MMS19: variants seen among roughly 807,000 people sequenced by gnomAD.
MMS19 encodes MMS19 nucleotide excision repair protein homolog.
MMS19 carries 77 observed loss-of-function variants against 129.8 expected under a neutral mutation model. The observed-to-expected ratio is 0.59, with a 90% CI of 0.49 to 0.72. The LOEUF (loss-of-function observed/expected upper bound fraction) is 0.72, where lower values mean the gene tolerates loss of function less well. Ranked by LOEUF, MMS19 falls within the 30% of genes least tolerant of loss-of-function variation. The pLI is 0.00. For synonymous variants in MMS19, 491 were observed against 502.8 expected, an observed-to-expected ratio of 0.98 and a Z score of 0.31; for missense variants, 1,168 against 1,266.3, an observed-to-expected ratio of 0.92 and a Z score of 1.18.
intron 21 of MMS19, 34 bp downstream of exon 21, chr10:97,461,983 C>G: frequency 6.4e-7 from 1 of 1,562,168 alleles, no homozygotes; most frequent in Non-Finnish European, 8.7e-7. Context: ...TAAAAAAAAA[C>G]CAGCTTGAAG....
At chr10:97,465,728 T>C in intron 18 of MMS19, 77 bp downstream of exon 18, 1 of 1,390,618 alleles carries the variant, frequency 7.2e-7, no homozygotes, top group Non-Finnish European at 9.8e-7. Flanking sequence ...TATGTATAGC[T>C]ACAGCTAGAA....
At chr10:97,490,986 C>T (rs2038771343) in intron 1 of MMS19, among the ~76,000 whole-genome samples, 1 of 152,172 alleles carries the variant, frequency 6.6e-6, no homozygotes, top group African/African-American at 2.4e-5. Flanking sequence ...TACCCAATTC[C>T]TTAATGGCAA....
intron 1 of MMS19, among the ~76,000 whole-genome samples, chr10:97,484,366 T>C (rs1343375414): frequency 6.6e-6 from 1 of 152,038 alleles, no homozygotes; most frequent in Non-Finnish European, 1.5e-5. Context: ...AATATATCAT[T>C]TGTGAATGAC....
intron 1 of MMS19, among the ~76,000 whole-genome samples, chr10:97,487,237 C>T (rs2038060400): frequency 6.6e-6 from 1 of 151,550 alleles, no homozygotes; most frequent in South Asian, 2.1e-4. Flanking sequence ...AATGATTGTC[C>T]TGGAACCAAT....
intron 17 of MMS19, 25 bp from the exon 18 acceptor site, chr10:97,465,979 G>T: frequency 6.2e-7 from 1 of 1,613,420 alleles, no homozygotes; most frequent in East Asian, 2.2e-5. Context: ...TGAGACAAAG[G>T]TTTACTGTGT....
intron 8 of MMS19, among the ~76,000 whole-genome samples, chr10:97,472,013 A>T (rs951728925): frequency 2.6e-5 from 4 of 152,170 alleles, no homozygotes; most frequent in Admixed American, 6.5e-5. Flanking sequence ...ATTCAAGAAA[A>T]ATTTACAGGA....
intron 1 of MMS19, among the ~76,000 whole-genome samples, chr10:97,487,613 C>G (rs1158525955): frequency 6.6e-6 from 1 of 152,042 alleles, no homozygotes; most frequent in Non-Finnish European, 1.5e-5. Flanking sequence ...GCCACCGCGC[C>G]TGGCCTAAAT....
In MMS19 at chr10:97,466,133, C is replaced by T; in HGVS notation, c.1532G>A (p.Gly511Glu). 2.5e-6 allele frequency: 4 copies of T among 1,580,428 alleles called. No individual in the cohort carries two copies. Among genetic ancestry groups the T allele is most frequent in the Non-Finnish European group, 3.4e-6 (4 of 1,163,204 alleles). The change falls in exon 17 of 31, where the codon GGA becomes GAA. Residue 511 changes from glycine (G) to glutamate (E), a missense_variant. Physicochemically the swap from Gly to Glu is moderately conservative, Grantham distance 98. Coordinates refer to ENST00000438925, the MANE Select transcript of MMS19 (RefSeq NM_022362.5). The stretch of plus-strand genomic sequence containing the variant: ...CACAGGGTAGAGAGCAGCCAGGGTT[C>T]CTGATGCTTCCAGTGCTGCCACCCT... Reference protein sequence around the residue: ...SCRVAALEASGTLAALYPVAF... With the variant: ...SCRVAALEASETLAALYPVAF...
At chr10:97,462,857 G>A (rs1425092484) in intron 19 of MMS19, 175 bp from the exon 20 acceptor site, 1 of 624,186 alleles carries the variant, frequency 1.6e-6, no homozygotes, top group Non-Finnish European at 2.9e-6. Flanking sequence ...AGAAACAGGA[G>A]TGGTCTGACC....
At chr10:97,483,435 A>C (rs2037256331) in intron 2 of MMS19, among the ~76,000 whole-genome samples, 1 of 152,156 alleles carries the variant, frequency 6.6e-6, no homozygotes, top group Non-Finnish European at 1.5e-5. Context: ...TGTGGGAGAA[A>C]TGTGTAACAG....
intron 8 of MMS19, among the ~76,000 whole-genome samples, chr10:97,472,727 C>T (rs1379263186): frequency 6.6e-6 from 1 of 151,900 alleles, no homozygotes; most frequent in African/African-American, 2.4e-5. Flanking sequence ...CTCCCACCTC[C>T]ACCTCCCGAG....
rs370667190 is a variant in MMS19 at position 97,459,342 on chromosome 10, G to A, written c.2904+20C>T. The A allele has an allele frequency of 5.6e-6, 9 of 1,610,106 alleles. No individual in the cohort carries two copies. Among genetic ancestry groups the A allele is most frequent in the East Asian group, 2.2e-5 (1 of 44,750 alleles). ...CAGGGAGAGATGCTGGTGCCTAAGA[G>A]TTGCTGGGGCTCAACGCACCATGGA... On this transcript the variant is annotated intron_variant, in intron 28 of 30. Transcript: ENST00000438925.
At chr10:97,498,630 C>T (rs1482299734), upstream of MMS19, 3 of 515,842 alleles carry the variant, frequency 5.8e-6, no homozygotes, top group South Asian at 2.4e-5. Flanking sequence ...AATTCCCAGC[C>T]CGGCTCCCCG....
Position 97,461,590 on chromosome 10 carries a change from C to A in MMS19, c.2217G>T (p.Arg739=). 6.2e-7 allele frequency: 1 copy of A among 1,600,656 alleles called. No homozygotes were observed. Among genetic ancestry groups the A allele is most frequent in the Non-Finnish European group, 8.5e-7 (1 of 1,173,614 alleles). The change falls in exon 23 of 31, where the codon CGG becomes CGT. Residue 739 remains arginine, a synonymous_variant. Coordinates refer to ENST00000438925, the MANE Select transcript of MMS19 (RefSeq NM_022362.5). ...VEIPQLNQLM[R]ELLELSCCHS... Reference sequence around the variant, plus strand: ...GGCAGCAGCTCAGTTCCAAAAGCTCCCGCATGAGTTGGTTCAGCTGAGGGA... The same window carrying A: ...GGCAGCAGCTCAGTTCCAAAAGCTCACGCATGAGTTGGTTCAGCTGAGGGA...
chr10:97,466,556 C>T lies in MMS19; in HGVS notation c.1453G>A (p.Ala485Thr). The change falls in exon 16 of 31, where the codon GCA (alanine) becomes ACA (threonine). Residue 485 changes from alanine to threonine, a missense_variant. By Grantham distance (58) the Ala-to-Thr change is moderately conservative. Coordinates refer to ENST00000438925, the MANE Select transcript of MMS19 (RefSeq NM_022362.5). ...CTCAGTCTGTACAGGTGACCCACTG[C>T]CAGCTCCAAGTCCTCATAAGATAGG... ...DLLSYEDLEL[A>T]VGHLYRLSFL... The T allele has an allele frequency of 6.2e-7, 1 of 1,613,796 alleles. No homozygotes were observed. The highest frequency in any genetic ancestry group is 8.5e-7 in the Non-Finnish European group (1 of 1,179,714).
intron 11 of MMS19, 139 bp from the exon 12 acceptor site, chr10:97,469,243 T>G (rs2034182481): frequency 9.4e-7 from 1 of 1,062,604 alleles, no homozygotes; most frequent in Non-Finnish European, 1.3e-6. Flanking sequence ...CCCAACTGAG[T>G]GTCTTCTCAA....
At chr10:97,485,349 G>A (rs980392267) in intron 1 of MMS19, among the ~76,000 whole-genome samples, 7 of 151,648 alleles carry the variant, frequency 4.6e-5, no homozygotes, top group Admixed American at 1.3e-4. Flanking sequence ...TCTTGCTCTC[G>A]TTACCCAGGC....
At chr10:97,486,327 G>A (rs775199981) in intron 1 of MMS19, among the ~76,000 whole-genome samples, 2 of 152,112 alleles carry the variant, frequency 1.3e-5, no homozygotes, top group Non-Finnish European at 2.9e-5. Flanking sequence ...GATTACAGGC[G>A]CATGCCACCA....
chr10:97,490,532 CA>C (rs1334271696), intron 1 of MMS19, among the ~76,000 whole-genome samples: 1 of 152,212 alleles, frequency 6.6e-6, no homozygotes, highest in Non-Finnish European at 1.5e-5. Flanking sequence ...TAAGGTGTGA[CA>C]ACCAGAGAAT....
Sources: gnomAD v4.1 joint callset for allele counts (sites outside exome capture counted in the v4.1 genomes callset) on GRCh38, gnomAD v4.1.1 for gene constraint, MANE v1.5 for transcripts, NCBI Gene and HGNC (gene_info 2026-07-23, HGNC 2026-07-21) for gene names.